The following ELMO1 variants were observed in gnomAD, a reference collection of about 807,000 sequenced individuals.
ELMO1 encodes the protein engulfment and cell motility 1.
A neutral mutation model predicts 98.9 loss-of-function variants in ELMO1; 26 were observed. That is an observed-to-expected ratio of 0.26 (90% CI 0.19 to 0.36). ELMO1 has a LOEUF of 0.36. Among genes scored for constraint, ELMO1 ranks in the 10% least tolerant of loss-of-function variants. ELMO1 has a pLI of 1.00. For missense variants in ELMO1, 627 were observed against 935.2 expected, an observed-to-expected ratio of 0.67 and a Z score of 4.30; for synonymous variants, 346 against 346.0, an observed-to-expected ratio of 1.00 and a Z score of 0.00.
chr7:36,943,858 G>A (rs1392237282), intron 16 of ELMO1, among the ~76,000 whole-genome samples: 1 of 152,194 alleles, frequency 6.6e-6, no homozygotes, highest in African/African-American at 2.4e-5. Context: ...TTCCATGAAA[G>A]TCATGCTAAC....
intron 15 of ELMO1, chr7:37,033,382 G>A (rs190932264): frequency 8.3e-5 from 38 of 455,448 alleles, no homozygotes; most frequent in South Asian, 5.7e-4. Context: ...TCGTGTTCAC[G>A]GCAGTGTGAA....
chr7:36,994,721 C>G (rs1275108002), intron 16 of ELMO1, among the ~76,000 whole-genome samples: 4 of 152,218 alleles, frequency 2.6e-5, no homozygotes, highest in Non-Finnish European at 5.9e-5. Context: ...TACAAGCATT[C>G]TAGGTGCTGG....
At chr7:37,286,966 G>A (rs937711872) in intron 4 of ELMO1, among the ~76,000 whole-genome samples, 5 of 152,184 alleles carry the variant, frequency 3.3e-5, no homozygotes, top group East Asian at 1.9e-4. Flanking sequence ...AGGTGGAGGC[G>A]GGCAGATCAC....
At chr7:37,233,451 G>C (rs113405612) in intron 7 of ELMO1, among the ~76,000 whole-genome samples, 82 of 152,238 alleles carry the variant, frequency 5.4e-4, no homozygotes, top group African/African-American at 2.0e-3. Flanking sequence ...ACCAACTCTC[G>C]TTCTGGTGAG....
chr7:37,383,522 G>A (rs1802662134), intron 1 of ELMO1, among the ~76,000 whole-genome samples: 1 of 152,122 alleles, frequency 6.6e-6, no homozygotes, highest in Non-Finnish European at 1.5e-5. Context: ...TGTCATTTAT[G>A]TTACACGGCA....
chr7:37,037,151 C>T (rs930264801), intron 15 of ELMO1, among the ~76,000 whole-genome samples: 17 of 152,178 alleles, frequency 1.1e-4, no homozygotes, highest in African/African-American at 4.1e-4. Context: ...GTTAAACTCA[C>T]AGCCAATCAA....
At chr7:36,980,801 C>T (rs1267609064) in intron 16 of ELMO1, among the ~76,000 whole-genome samples, 3 of 152,148 alleles carry the variant, frequency 2.0e-5, no homozygotes, top group African/African-American at 4.8e-5. Flanking sequence ...AGTATTAGGC[C>T]TTGGCTTGGC....
intron 4 of ELMO1, among the ~76,000 whole-genome samples, chr7:37,290,819 T>C (rs926065407): frequency 2.6e-5 from 4 of 151,890 alleles, no homozygotes; most frequent in African/African-American, 9.7e-5. Flanking sequence ...AAAATTCATA[T>C]GGAGGAGTAA....
intron 18 of ELMO1, among the ~76,000 whole-genome samples, chr7:36,886,957 A>G (rs1440268811): frequency 6.6e-6 from 1 of 152,190 alleles, no homozygotes; most frequent in Non-Finnish European, 1.5e-5. Context: ...AGATTTGACA[A>G]TAAGGGCCAT....
chr7:37,326,697 A>G (rs1215513423), intron 2 of ELMO1, among the ~76,000 whole-genome samples: 1 of 152,192 alleles, frequency 6.6e-6, no homozygotes, highest in East Asian at 1.9e-4. Flanking sequence ...ATTAGATTTT[A>G]CCAGGATAAA....
chr7:37,003,618 G>A (rs905572725), intron 16 of ELMO1, among the ~76,000 whole-genome samples: 2 of 152,176 alleles, frequency 1.3e-5, no homozygotes, highest in East Asian at 1.9e-4. Context: ...TCAGATAAAA[G>A]AGCACAGTTC....
At chr7:37,137,918 C>G (rs1281895418) in intron 13 of ELMO1, among the ~76,000 whole-genome samples, 1 of 152,080 alleles carries the variant, frequency 6.6e-6, no homozygotes, top group African/African-American at 2.4e-5. Context: ...GAAATCAACT[C>G]CAACAGGAAT....
chr7:36,929,225 C>T (rs192766110), intron 16 of ELMO1, among the ~76,000 whole-genome samples: 5 of 152,222 alleles, frequency 3.3e-5, no homozygotes, highest in South Asian at 2.1e-4. Context: ...AGGGGCTGGC[C>T]GCACCACCAG....
chr7:37,274,972 T>C (rs1013843937), intron 4 of ELMO1, among the ~76,000 whole-genome samples: 2 of 152,234 alleles, frequency 1.3e-5, no homozygotes, highest in Non-Finnish European at 2.9e-5. Flanking sequence ...CTCATGCTTA[T>C]GTAACCAACA....
intron 13 of ELMO1, among the ~76,000 whole-genome samples, chr7:37,152,306 C>T (rs897830038): frequency 5.9e-5 from 9 of 152,270 alleles, no homozygotes; most frequent in Middle Eastern, 3.4e-3. Flanking sequence ...GGCCCACGAA[C>T]GCTGCCCTGA....
In ELMO1 at chr7:37,169,745, A is replaced by C. The variant is rs1584756878; in HGVS notation, c.1087-36511T>G. Among the ~76,000 whole-genome samples the C allele has an allele frequency of 2.0e-5, 3 of 152,226 alleles. No homozygotes were observed. The South Asian group carries it at 6.2e-4, about 31-fold the overall frequency. On this transcript the variant is annotated intron_variant, in intron 13 of 21. Transcript: ENST00000310758. ...GAGGCACATGTCACACATGAATGTG[A>C]AAACCCAATCATCACACTTAGGAAC...
chr7:37,089,629 A>G (rs753865295), intron 15 of ELMO1, among the ~76,000 whole-genome samples: 26 of 152,206 alleles, frequency 1.7e-4, no homozygotes, highest in Non-Finnish European at 2.8e-4. Context: ...ATTTTTCTGC[A>G]ATCTTTGATA....
chr7:37,035,658 C>T (rs569623919), intron 15 of ELMO1, among the ~76,000 whole-genome samples: 23 of 152,302 alleles, frequency 1.5e-4, no homozygotes, highest in African/African-American at 5.3e-4. Context: ...TTCTTGGAAG[C>T]ACTTCCAGCA....
intron 5 of ELMO1, among the ~76,000 whole-genome samples, chr7:37,267,051 AC>A: frequency 7.4e-6 from 1 of 135,354 alleles, no homozygotes; most frequent in African/African-American, 3.0e-5. Flanking sequence ...ACACACACAC[AC>A]ACACACACAC....
Sources: gnomAD v4.1 joint callset for allele counts (sites outside exome capture counted in the v4.1 genomes callset) on GRCh38, gnomAD v4.1.1 for gene constraint, MANE v1.5 for transcripts, NCBI Gene and HGNC (gene_info 2026-07-23, HGNC 2026-07-21) for gene names.